The following TANGO6 variants were observed in gnomAD, a reference collection of about 807,000 sequenced individuals.
The protein encoded by TANGO6 is transport and Golgi organization protein 6 homolog.
A neutral mutation model predicts 114.2 loss-of-function variants in TANGO6; 90 were observed. That is an observed-to-expected ratio of 0.79 (90% confidence interval 0.66 to 0.94). The LOEUF (loss-of-function observed/expected upper bound fraction) is 0.94, where lower values mean the gene tolerates loss of function less well. Among genes scored for constraint, TANGO6 ranks in the 40% least tolerant of loss-of-function variants. TANGO6 has a pLI of 0.00. For missense variants in TANGO6, 1,274 were observed against 1,315.3 expected (o/e 0.97, Z 0.49); for synonymous variants, 477 against 509.8 (o/e 0.94, Z 0.87).
chr16:68,976,332 A>T (rs1466077222), intron 15 of TANGO6, among the ~76,000 whole-genome samples: 1 of 152,272 alleles, frequency 6.6e-6, no homozygotes, highest in South Asian at 2.1e-4. Context: ...AGGGCTCAGT[A>T]AAATTTTATT....
chr16:68,844,170 A>C (rs1433271243), intron 1 of TANGO6, among the ~76,000 whole-genome samples: 2 of 152,052 alleles, frequency 1.3e-5, no homozygotes, highest in Non-Finnish European at 2.9e-5. Context: ...TGACGTTTGA[A>C]ATGGGTTTGG....
intron 16 of TANGO6, among the ~76,000 whole-genome samples, chr16:69,031,465 C>G (rs1468162033): frequency 6.6e-6 from 1 of 151,930 alleles, no homozygotes; most frequent in Non-Finnish European, 1.5e-5. Flanking sequence ...CTTTGGGAGG[C>G]TGAGGTGAAC....
intron 15 of TANGO6, among the ~76,000 whole-genome samples, chr16:69,002,351 C>A (rs1018832502): frequency 6.6e-6 from 1 of 152,114 alleles, no homozygotes; most frequent in Admixed American, 6.5e-5. Flanking sequence ...TCTGTGCCCC[C>A]ACCCAAATCT....
At chr16:68,946,166 G>A (rs1212682312) in intron 14 of TANGO6, among the ~76,000 whole-genome samples, 1 of 151,676 alleles carries the variant, frequency 6.6e-6, no homozygotes, top group Non-Finnish European at 1.5e-5. Context: ...TACTTTCAAT[G>A]AAGTCTAATT....
chr16:69,055,850 A>G (rs887610193), intron 17 of TANGO6, among the ~76,000 whole-genome samples: 67 of 152,310 alleles, frequency 4.4e-4, no homozygotes, highest in Non-Finnish European at 2.6e-4. Context: ...CAGCCTGGCC[A>G]ACATAGTGAA....
At chr16:68,911,072 T>C (rs997465600) in intron 11 of TANGO6, among the ~76,000 whole-genome samples, 5 of 152,104 alleles carry the variant, frequency 3.3e-5, no homozygotes, top group African/African-American at 1.2e-4. Flanking sequence ...ATTTTTAGCA[T>C]AAAAAAGAGG....
chr16:69,048,601 T>C (rs1959899329), intron 17 of TANGO6, among the ~76,000 whole-genome samples: 1 of 152,156 alleles, frequency 6.6e-6, no homozygotes, highest in African/African-American at 2.4e-5. Context: ...GAATGATTTT[T>C]AATCACATGA....
chr16:68,967,811 G>A (rs1466110482), intron 14 of TANGO6, among the ~76,000 whole-genome samples: 1 of 152,110 alleles, frequency 6.6e-6, no homozygotes. Flanking sequence ...AGTTCCCTGG[G>A]ATAGAGCCAG....
At chr16:68,969,593 C>G (rs140217264) in intron 14 of TANGO6, among the ~76,000 whole-genome samples, 43 of 150,886 alleles carry the variant, frequency 2.8e-4, no homozygotes, top group African/African-American at 9.2e-4. Flanking sequence ...CTGTGGGAAG[C>G]AAGGAAACTG....
chr16:68,910,942 G>T (rs28711601), intron 11 of TANGO6, among the ~76,000 whole-genome samples: 12,694 of 152,202 alleles, frequency 0.083, 558 homozygotes, highest in Admixed American at 0.11. Flanking sequence ...CTCCCATAGT[G>T]CTGGGATTAC....
intron 14 of TANGO6, among the ~76,000 whole-genome samples, chr16:68,945,820 C>T (rs1014641470): frequency 2.0e-5 from 3 of 151,758 alleles, no homozygotes; most frequent in South Asian, 4.2e-4. Context: ...TGAGTAGCTG[C>T]GATTACAGAT....
intron 15 of TANGO6, among the ~76,000 whole-genome samples, chr16:68,978,925 AT>A (rs58270481): frequency 2.3e-3 from 305 of 134,562 alleles, no homozygotes; most frequent in Middle Eastern, 3.9e-3. Context: ...AAAGTATATG[AT>A]TTTTTTTTTT....
At position 68,928,019 on chromosome 16, in the gene TANGO6, C is replaced by T. The variant is rs756116946; in HGVS notation, c.2579C>T (p.Thr860Ile). The T allele has an allele frequency of 4.4e-6, 7 of 1,607,740 alleles. No homozygotes were observed. The highest frequency in any genetic ancestry group is 2.2e-5 in the East Asian group (1 of 44,792). ...QIPTRAAALR[T>I]LSHWIEQREA... ...CCAACACGGGCTGCTGCCCTGCGTA[C>T]TCTTTCCCACTGGATAGAGCAGAGA... Residue 860 changes from threonine (T) to isoleucine (I), a missense_variant, in exon 13 of 18, where the codon ACT (threonine) becomes ATT (isoleucine). By Grantham distance (89) the Thr-to-Ile change is moderately conservative. This residue lies in a region of TANGO6 where 908 missense variants were observed against 910.2 expected (regional missense o/e 1.00). Transcript: ENST00000261778.
At chr16:68,871,033 C>A (rs1162245506) in intron 4 of TANGO6, among the ~76,000 whole-genome samples, 4 of 151,524 alleles carry the variant, frequency 2.6e-5, no homozygotes, top group Admixed American at 2.6e-4. Flanking sequence ...TCAGGTGATC[C>A]ACCTGCCTCG....
intron 7 of TANGO6, among the ~76,000 whole-genome samples, chr16:68,892,192 A>G: frequency 6.6e-6 from 1 of 152,214 alleles, no homozygotes; most frequent in East Asian, 1.9e-4. Context: ...CAAGTAGACA[A>G]AGAGTTACAG....
rs555041337 is a variant in TANGO6, at chr16:68,980,068, G to A, written c.2842+5900G>A. 4.3e-4 allele frequency among the ~76,000 whole-genome samples: 65 copies of A among 151,806 alleles called. No homozygotes were observed. In the Middle Eastern group the frequency reaches 0.01, roughly 24 times the overall value. The stretch of plus-strand genomic sequence containing the variant: ...TCACCATGCTGGCCAGGCTGGTCTC[G>A]AACTCCTGACCTCGTGATCTGCCCG... On this transcript the variant is annotated intron_variant, in intron 15 of 17. Transcript: ENST00000261778.
chr16:69,014,907 A>G (rs1023908178), intron 15 of TANGO6, among the ~76,000 whole-genome samples: 8 of 151,932 alleles, frequency 5.3e-5, no homozygotes, highest in Non-Finnish European at 1.2e-4. Flanking sequence ...AAAAAAAAAA[A>G]AAAAGAAAAA....
At chr16:69,072,724 T>C (rs1960315648) in intron 17 of TANGO6, among the ~76,000 whole-genome samples, 1 of 152,110 alleles carries the variant, frequency 6.6e-6, no homozygotes, top group Non-Finnish European at 1.5e-5. Flanking sequence ...AAAACAGAGA[T>C]CCGGTAACTG....
chr16:68,950,838 A>G lies in TANGO6; in HGVS notation c.2701+20543A>G, dbSNP rs1286562306. On this transcript the variant is annotated intron_variant, in intron 14 of 17. Coordinates refer to ENST00000261778, the MANE Select transcript of TANGO6 (RefSeq NM_024562.2). ...GGCACCGTTGCACTCCAGCCTGGGC[A>G]ATAGAGCAAGACTCTGTCTCAAAAA... Among the ~76,000 whole-genome samples, 25 of 151,800 alleles carry G rather than the reference A, an allele frequency of 1.6e-4. 1 individual carries two copies. Among genetic ancestry groups the G allele is most frequent in the Admixed American group, 1.6e-3 (25 of 15,226 alleles).
Sources: gnomAD v4.1 joint callset for allele counts (sites outside exome capture counted in the v4.1 genomes callset) on GRCh38, gnomAD v4.1.1 for gene constraint, gnomAD v4.1.1 regional missense constraint, MANE v1.5 for transcripts, NCBI Gene and HGNC (gene_info 2026-07-23, HGNC 2026-07-21) for gene names.